Variants in MEIS2 observed in about 807,000 individuals in gnomAD.
The protein encoded by MEIS2 is Meis homeobox 2.
MEIS2 carries 9 observed loss-of-function variants against 58.6 expected under a neutral mutation model. The observed-to-expected ratio is 0.15, with a 90% CI of 0.09 to 0.27. MEIS2 has a LOEUF of 0.27. Ranked by LOEUF, MEIS2 falls within the 10% of genes least tolerant of loss-of-function variation. The pLI is 1.00. For missense variants in MEIS2, 427 were observed against 635.0 expected (o/e 0.67, Z 3.52); for synonymous variants, 221 against 228.4 (o/e 0.97, Z 0.29).
chr15:37,003,269 A>G (rs2060800481), intron 8 of MEIS2, among the ~76,000 whole-genome samples: 4 of 152,076 alleles, frequency 2.6e-5, no homozygotes. Flanking sequence ...TACTTCTCAG[A>G]AAGCTGAAAG....
At chr15:36,904,651 T>A (rs2056639628) in intron 9 of MEIS2, among the ~76,000 whole-genome samples, 1 of 149,678 alleles carries the variant, frequency 6.7e-6, no homozygotes, top group African/African-American at 2.5e-5. Flanking sequence ...TTTTTTTTTT[T>A]ATCTGTGAGC....
chr15:37,083,955 C>T (rs572930618), intron 6 of MEIS2, 70 bp from the exon 7 acceptor site: 57 of 1,399,616 alleles, frequency 4.1e-5, no homozygotes, highest in African/African-American at 8.5e-5. Flanking sequence ...CCAAAAGGAA[C>T]GGCACAGAAA....
chr15:37,100,968 C>A (rs1413716343), upstream of MEIS2: 2 of 152,004 alleles, frequency 1.3e-5, no homozygotes, highest in Non-Finnish European at 2.9e-5. Flanking sequence ...GGCGCTCTAG[C>A]TTTTGTTCCT....
intron 9 of MEIS2, among the ~76,000 whole-genome samples, chr15:36,948,446 C>T (rs1254944201): frequency 1.3e-5 from 2 of 151,932 alleles, no homozygotes; most frequent in Non-Finnish European, 1.5e-5. Context: ...ATATCAAAAA[C>T]TATAGGTAAT....
chr15:36,989,831 G>A (rs981847083), intron 8 of MEIS2, among the ~76,000 whole-genome samples: 2 of 152,336 alleles, frequency 1.3e-5, no homozygotes, highest in Middle Eastern at 3.4e-3. Flanking sequence ...TGTTTCTGTA[G>A]TGTAAGTACA....
intron 8 of MEIS2, among the ~76,000 whole-genome samples, chr15:37,022,538 C>A (rs1198934018): frequency 1.3e-5 from 2 of 150,250 alleles, no homozygotes; most frequent in African/African-American, 4.9e-5. Flanking sequence ...CATGAGCCAC[C>A]ACACCAGGCC....
chr15:36,933,194 G>T (rs1419860427), intron 9 of MEIS2, among the ~76,000 whole-genome samples: 1 of 152,102 alleles, frequency 6.6e-6, no homozygotes, highest in Non-Finnish European at 1.5e-5. Flanking sequence ...TAGGTGGCTA[G>T]GCTCACTTTT....
At chr15:37,032,101 C>G (rs2061952548) in intron 8 of MEIS2, among the ~76,000 whole-genome samples, 1 of 152,136 alleles carries the variant, frequency 6.6e-6, no homozygotes, top group African/African-American at 2.4e-5. Flanking sequence ...TGGCTTATAT[C>G]ACTTTTAAAA....
chr15:37,062,113 C>T (rs556411412), intron 7 of MEIS2, among the ~76,000 whole-genome samples: 4 of 152,258 alleles, frequency 2.6e-5, no homozygotes, highest in Middle Eastern at 3.4e-3. Context: ...GACTCAAGAA[C>T]TTTCCACAGA....
chr15:36,972,553 G>T (rs1364541947), intron 8 of MEIS2, among the ~76,000 whole-genome samples: 1 of 152,018 alleles, frequency 6.6e-6, no homozygotes, highest in Non-Finnish European at 1.5e-5. Context: ...CACCGCACCT[G>T]GCCAATAGAA....
Position 37,098,035 on chromosome 15 carries a change from A to T in MEIS2, c.177T>A (p.Asn59Lys), listed in dbSNP as rs1438556989. Residue 59 changes from asparagine to lysine, a missense_variant, in exon 2 of 12, where the codon AAT becomes AAA. This residue lies in a region of MEIS2 where 103 missense variants were observed against 111.8 expected (regional missense o/e 0.92). Coordinates refer to ENST00000561208, the MANE Select transcript of MEIS2 (RefSeq NM_170675.5). ...QHYGAHAPHPNVMPASMGSAV... is the reference protein window; with the variant it reads ...QHYGAHAPHPKVMPASMGSAV... ...CGGATCCCATACTGGCCGGCATGAC[A>T]TTGGGGTGCGGGGCGTGCGCGCCGT... 11 of 1,612,942 alleles carry T rather than the reference A, an allele frequency of 6.8e-6. No homozygotes were observed. Among genetic ancestry groups the T allele is most frequent in the Non-Finnish European group, 9.3e-6 (11 of 1,179,444 alleles).
chr15:36,901,320 A>G (rs1469378867), intron 9 of MEIS2, among the ~76,000 whole-genome samples: 3 of 152,154 alleles, frequency 2.0e-5, no homozygotes, highest in Non-Finnish European at 4.4e-5. Context: ...CTTACTTTAC[A>G]AAAAAAGCAA....
At chr15:36,957,307 A>T (rs1003007968) in intron 8 of MEIS2, among the ~76,000 whole-genome samples, 9 of 152,218 alleles carry the variant, frequency 5.9e-5, no homozygotes, top group African/African-American at 2.2e-4. Context: ...ACACATTTAG[A>T]CTCAATAACC....
At chr15:37,099,427 T>C (rs543468955) in intron 1 of MEIS2, 28 bp downstream of exon 1, 60 of 1,614,016 alleles carry the variant, frequency 3.7e-5, no homozygotes, top group Non-Finnish European at 4.8e-5. Flanking sequence ...GATTTATATC[T>C]AGGTAAGTGT....
At chr15:37,023,384 C>T (rs573123597) in intron 8 of MEIS2, among the ~76,000 whole-genome samples, 17 of 152,290 alleles carry the variant, frequency 1.1e-4, no homozygotes, top group Middle Eastern at 3.4e-3. Flanking sequence ...GCCAGTGCCA[C>T]GTCATGTAGC....
rs570600482 is a variant in MEIS2, at chr15:36,988,677, A to G, written c.901-38277T>C. On this transcript the variant is annotated intron_variant, in intron 8 of 11. Transcript: ENST00000561208. The stretch of plus-strand genomic sequence containing the variant: ...AATTTACAATAAATACCCATTAGCT[A>G]TGGAAATATCTTAAAACAATAACCA... Among the ~76,000 whole-genome samples the G allele has an allele frequency of 2.0e-5, 3 of 152,364 alleles. No individual in the cohort carries two copies. In the South Asian group the frequency reaches 6.2e-4, roughly 32 times the overall value.
intron 8 of MEIS2, among the ~76,000 whole-genome samples, chr15:37,029,176 G>A (rs1316344515): frequency 6.6e-6 from 1 of 152,100 alleles, no homozygotes; most frequent in South Asian, 2.1e-4. Context: ...GGCTAGGGGC[G>A]GCCCCACTAT....
intron 9 of MEIS2, among the ~76,000 whole-genome samples, chr15:36,934,898 G>T (rs2058105650): frequency 6.6e-6 from 1 of 152,102 alleles, no homozygotes; most frequent in South Asian, 2.1e-4. Context: ...ATTGTAAGTT[G>T]TTTTAAACTA....
At chr15:36,970,039 A>G (rs918915881) in intron 8 of MEIS2, among the ~76,000 whole-genome samples, 4 of 152,214 alleles carry the variant, frequency 2.6e-5, no homozygotes, top group Non-Finnish European at 5.9e-5. Flanking sequence ...ACCTAGCTAT[A>G]TAGACAGTCA....
Sources: allele counts gnomAD v4.1 joint callset (sites outside exome capture counted in the v4.1 genomes callset), GRCh38; gene constraint gnomAD v4.1.1; regional missense constraint gnomAD v4.1.1; transcripts MANE v1.5; gene names NCBI Gene and HGNC (gene_info 2026-07-23, HGNC 2026-07-21).